The following ARL15 variants were observed in gnomAD, a reference collection of about 807,000 sequenced individuals.
ARL15 encodes the protein ADP-ribosylation factor-like protein 15.
Under a neutral mutation model 25.2 loss-of-function variants are expected in ARL15, and 19 were observed. The observed-to-expected ratio is 0.75, with a 90% confidence interval of 0.53 to 1.10. ARL15 has a LOEUF of 1.10. ARL15 is among the 50% of genes least tolerant of loss of function. The pLI, the probability that ARL15 is intolerant of heterozygous loss-of-function variation, is 0.00. For missense variants in ARL15, 220 were observed against 246.0 expected, an observed-to-expected ratio of 0.89 and a Z score of 0.71; for synonymous variants, 94 against 86.8, an observed-to-expected ratio of 1.08 and a Z score of -0.46.
intron 4 of ARL15, among the ~76,000 whole-genome samples, chr5:54,084,921 A>G (rs1751916587): frequency 6.6e-6 from 1 of 152,200 alleles, no homozygotes; most frequent in South Asian, 2.1e-4. Context: ...GGGAGAGGCC[A>G]TATTTATGAA....
At chr5:54,256,887 T>C (rs1312093455) in intron 1 of ARL15, among the ~76,000 whole-genome samples, 1 of 152,196 alleles carries the variant, frequency 6.6e-6, no homozygotes, top group Admixed American at 6.5e-5. Context: ...AATCCAGCAT[T>C]GCTTTGTGAT....
chr5:53,894,945 T>A (rs1300766803), intron 4 of ARL15, among the ~76,000 whole-genome samples: 8 of 152,232 alleles, frequency 5.3e-5, no homozygotes, highest in Non-Finnish European at 1.0e-4. Flanking sequence ...ATAAATTCCC[T>A]GTAAATAAAA....
chr5:53,974,891 C>T (rs1292371640), intron 4 of ARL15, among the ~76,000 whole-genome samples: 2 of 152,176 alleles, frequency 1.3e-5, no homozygotes, highest in African/African-American at 4.8e-5. Flanking sequence ...TACTGAACTT[C>T]TCCATTCTAC....
intron 4 of ARL15, among the ~76,000 whole-genome samples, chr5:53,960,053 A>C (rs991737212): frequency 6.6e-6 from 1 of 152,100 alleles, no homozygotes; most frequent in African/African-American, 2.4e-5. Context: ...CAGATATATA[A>C]GTCTATAGTT....
At chr5:54,196,637 C>T (rs555791758) in intron 1 of ARL15, among the ~76,000 whole-genome samples, 2 of 151,718 alleles carry the variant, frequency 1.3e-5, no homozygotes, top group East Asian at 1.9e-4. Flanking sequence ...TTTCTGTTCT[C>T]GGTGTGGGTA....
intron 1 of ARL15, among the ~76,000 whole-genome samples, chr5:54,249,434 A>T (rs1757181426): frequency 6.6e-6 from 1 of 152,200 alleles, no homozygotes; most frequent in Non-Finnish European, 1.5e-5. Flanking sequence ...AGAAGGAAAG[A>T]CAGAAGAAGA....
intron 1 of ARL15, among the ~76,000 whole-genome samples, chr5:54,223,972 G>A (rs933442960): frequency 1.3e-5 from 2 of 152,036 alleles, no homozygotes; most frequent in African/African-American, 4.8e-5. Flanking sequence ...CAAAAAGTAC[G>A]CATCAGTACA....
chr5:53,923,070 A>T (rs1745906561), intron 4 of ARL15, among the ~76,000 whole-genome samples: 2 of 152,184 alleles, frequency 1.3e-5, no homozygotes, highest in Non-Finnish European at 2.9e-5. Flanking sequence ...CAAGTCTATA[A>T]TCTACACCCT....
chr5:53,971,481 C>G (rs1252351183), intron 4 of ARL15, among the ~76,000 whole-genome samples: 3 of 152,128 alleles, frequency 2.0e-5, no homozygotes, highest in Non-Finnish European at 2.9e-5. Flanking sequence ...TCAGAAGTGA[C>G]CAATGCTATC....
Position 53,886,715 on chromosome 5 carries a change from T to TCTTGTACTGAGCGAGCTGCTGGC in ARL15, c.463-3_463-2insGCCAGCAGCTCGCTCAGTACAAG, listed in dbSNP as rs749900052. 6.5e-7 allele frequency: 1 copy of TCTTGTACTGAGCGAGCTGCTGGC among 1,542,436 alleles called. No individual in the cohort carries two copies. On this transcript the variant is annotated splice_region_variant and splice_polypyrimidine_tract_variant and intron_variant, in intron 4 of 4. Coordinates refer to ENST00000504924, the MANE Select transcript of ARL15 (RefSeq NM_019087.3). ...TTCAAGTTCAAAATATTTTTTGATC[T>TCTTGTACTGAGCGAGCTGCTGGC]TAAGAGGAAAAAATAAAGATAAATA...
intron 4 of ARL15, among the ~76,000 whole-genome samples, chr5:54,094,270 A>C (rs1378031763): frequency 2.0e-5 from 3 of 152,212 alleles, no homozygotes; most frequent in Non-Finnish European, 4.4e-5. Flanking sequence ...AATACCTAAT[A>C]GTACTTCAAT....
rs145026192 is a variant in ARL15, at chr5:54,051,630, G to GT, written c.462+61571dup. 2.5e-3 allele frequency among the ~76,000 whole-genome samples: 381 copies of GT among 152,240 alleles called. 1 individual carries two copies. The highest frequency in any genetic ancestry group is 8.9e-3 in the African/African-American group (370 of 41,556). ...ATTTAGACAAAGAATACCACTACAC[G>GT]TTTGCTAAAATAGCTAAAATTCAAA... is the stretch of plus-strand genomic sequence containing the variant. On this transcript the variant is annotated intron_variant, in intron 4 of 4. Coordinates refer to ENST00000504924, the MANE Select transcript of ARL15 (RefSeq NM_019087.3).
At chr5:54,271,671 G>T (rs1009771381) in intron 1 of ARL15, among the ~76,000 whole-genome samples, 4 of 152,128 alleles carry the variant, frequency 2.6e-5, no homozygotes, top group African/African-American at 9.7e-5. Context: ...AGAGAGCCAG[G>T]AAGTACTTAC....
intron 3 of ARL15, among the ~76,000 whole-genome samples, chr5:54,132,222 G>A (rs1753460170): frequency 6.6e-6 from 1 of 151,924 alleles, no homozygotes; most frequent in Admixed American, 6.6e-5. Context: ...TGCAGGCACA[G>A]AAACAAAATA....
At chr5:54,130,476 C>T (rs576867989) in intron 3 of ARL15, among the ~76,000 whole-genome samples, 2 of 152,246 alleles carry the variant, frequency 1.3e-5, no homozygotes, top group East Asian at 1.9e-4. Flanking sequence ...GTTTAGTCTA[C>T]AATAGCTCTT....
intron 1 of ARL15, among the ~76,000 whole-genome samples, chr5:54,309,143 C>A (rs1758833993): frequency 6.6e-6 from 1 of 152,154 alleles, no homozygotes; most frequent in African/African-American, 2.4e-5. Flanking sequence ...TGAATAATAT[C>A]CCTTTATCAC....
At chr5:54,222,841 T>G (rs913176564) in intron 1 of ARL15, among the ~76,000 whole-genome samples, 2 of 152,186 alleles carry the variant, frequency 1.3e-5, no homozygotes, top group African/African-American at 4.8e-5. Context: ...TTATTTTTTT[T>G]GAGACGGAGT....
intron 1 of ARL15, among the ~76,000 whole-genome samples, chr5:54,189,074 C>T (rs1267457699): frequency 2.0e-5 from 3 of 151,898 alleles, no homozygotes; most frequent in African/African-American, 7.3e-5. Context: ...TTTATAATAG[C>T]ACGTAAAAGA....
intron 1 of ARL15, among the ~76,000 whole-genome samples, chr5:54,248,334 C>G (rs970762990): frequency 6.6e-6 from 1 of 152,186 alleles, no homozygotes; most frequent in Non-Finnish European, 1.5e-5. Flanking sequence ...CCACCTCCAA[C>G]CTTACCTATC....
Sources: allele counts gnomAD v4.1 joint callset (sites outside exome capture counted in the v4.1 genomes callset), GRCh38; gene constraint gnomAD v4.1.1; transcripts MANE v1.5; gene names NCBI Gene and HGNC (gene_info 2026-07-23, HGNC 2026-07-21).